PRR16: variants seen among roughly 807,000 people sequenced by gnomAD.
The protein encoded by PRR16 is proline rich 16, also known as protein Largen.
In PRR16, 6 loss-of-function variants were observed where a neutral mutation model predicts 18.2. The observed-to-expected ratio is 0.33, with a 90% confidence interval of 0.18 to 0.65. The LOEUF is 0.65. Ranked by LOEUF, PRR16 falls within the 30% of genes least tolerant of loss-of-function variation. The pLI is 0.74. For synonymous variants in PRR16, 151 were observed against 147.8 expected, an observed-to-expected ratio of 1.02 and a Z score of -0.16; for missense variants, 412 against 376.6, an observed-to-expected ratio of 1.09 and a Z score of -0.78.
intron 1 of PRR16, among the ~76,000 whole-genome samples, chr5:120,484,732 A>G (rs1256933299): frequency 6.7e-6 from 1 of 149,422 alleles, no homozygotes; most frequent in Non-Finnish European, 1.5e-5. Context: ...TTTTCCATCA[A>G]TGTTAAATTG....
downstream of PRR16, among the ~76,000 whole-genome samples, chr5:120,691,710 T>C (rs887203290): frequency 6.6e-6 from 1 of 152,184 alleles, no homozygotes. Context: ...AGGCTATGGA[T>C]ATGATTTCCC....
At chr5:120,520,933 T>TG (rs1751155017) in intron 1 of PRR16, among the ~76,000 whole-genome samples, 1 of 152,140 alleles carries the variant, frequency 6.6e-6, no homozygotes, top group Non-Finnish European at 1.5e-5. Context: ...TCATAGGTCA[T>TG]GGTCCCCCAT....
At chr5:120,619,398 A>G (rs534403970) in intron 1 of PRR16, among the ~76,000 whole-genome samples, 10 of 152,294 alleles carry the variant, frequency 6.6e-5, no homozygotes, top group South Asian at 4.1e-4. Context: ...GTCTTTCCAT[A>G]TTTATTATAG....
At chr5:120,489,610 T>C (rs189098425) in intron 1 of PRR16, among the ~76,000 whole-genome samples, 28 of 152,332 alleles carry the variant, frequency 1.8e-4, no homozygotes, top group African/African-American at 5.8e-4. Context: ...TTATCCAGTT[T>C]GCCATTCTGT....
Position 120,541,924 on chromosome 5 carries a change from CT to C in PRR16, c.159+77290del, listed in dbSNP as rs928989598. ...GCAGAATTTACCCCCTTCCTTTCCTCTTTTTTTTTTTAATTACAGTTTTGAG... is the reference window on the plus strand; with the variant it reads ...GCAGAATTTACCCCCTTCCTTTCCTCTTTTTTTTTTAATTACAGTTTTGAG... On this transcript the variant is annotated intron_variant, in intron 1 of 1. Coordinates refer to ENST00000407149, the MANE Select transcript of PRR16 (RefSeq NM_001300783.2). Among the ~76,000 whole-genome samples, 374 of 145,860 alleles carry C rather than the reference CT, an allele frequency of 2.6e-3. 3 individuals are homozygous for C. The highest frequency in any genetic ancestry group is 0.017 in the East Asian group (87 of 5,024).
intron 1 of PRR16, among the ~76,000 whole-genome samples, chr5:120,507,920 C>T (rs1052436667): frequency 8.5e-5 from 13 of 152,098 alleles, no homozygotes; most frequent in Admixed American, 3.9e-4. Flanking sequence ...ATAACAAGGG[C>T]AGATACTGCT....
chr5:120,638,504 A>G (rs1755319046), intron 1 of PRR16, among the ~76,000 whole-genome samples: 1 of 152,108 alleles, frequency 6.6e-6, no homozygotes, highest in Admixed American at 6.6e-5. Flanking sequence ...TGTTCCATTT[A>G]TTGACTTATT....
At chr5:120,664,461 T>TG (rs1418540065) in intron 1 of PRR16, among the ~76,000 whole-genome samples, 26 of 151,238 alleles carry the variant, frequency 1.7e-4, no homozygotes, top group African/African-American at 4.1e-4. Flanking sequence ...TTTTTGTTTT[T>TG]TTTTTATTAT....
intron 1 of PRR16, among the ~76,000 whole-genome samples, chr5:120,515,686 C>G (rs1561526039): frequency 6.6e-6 from 1 of 152,172 alleles, no homozygotes; most frequent in Non-Finnish European, 1.5e-5. Context: ...ATAATCTATA[C>G]TTGTATGTAT....
chr5:120,789,124 A>G, the PRR16 span, among the ~76,000 whole-genome samples: 1 of 152,076 alleles, frequency 6.6e-6, no homozygotes, highest in Non-Finnish European at 1.5e-5. Flanking sequence ...ATACACTTAA[A>G]GGCATTCCTC....
At chr5:120,573,497 T>G (rs1332518781) in intron 1 of PRR16, among the ~76,000 whole-genome samples, 1 of 151,924 alleles carries the variant, frequency 6.6e-6, no homozygotes, top group Non-Finnish European at 1.5e-5. Flanking sequence ...AGATGCTAAT[T>G]TTATTGTGGC....
chr5:120,772,079 T>C, the PRR16 span, among the ~76,000 whole-genome samples: 1 of 152,116 alleles, frequency 6.6e-6, no homozygotes, highest in African/African-American at 2.4e-5. Context: ...TTAAAGAATA[T>C]GTTAACATTA....
At chr5:120,745,372 G>A in the PRR16 span, among the ~76,000 whole-genome samples, 1 of 151,978 alleles carries the variant, frequency 6.6e-6, no homozygotes, top group African/African-American at 2.4e-5. Context: ...CTTTTTCTGA[G>A]GTGTTTTGGA....
chr5:120,487,715 T>C (rs1749861801), intron 1 of PRR16, among the ~76,000 whole-genome samples: 1 of 152,228 alleles, frequency 6.6e-6, no homozygotes, highest in South Asian at 2.1e-4. Context: ...AGGGCATCCC[T>C]GTCTTGTGCC....
chr5:120,496,777 T>A (rs1750258988), intron 1 of PRR16, among the ~76,000 whole-genome samples: 1 of 151,966 alleles, frequency 6.6e-6, no homozygotes, highest in Admixed American at 6.6e-5. Context: ...CCTAGGCTCT[T>A]GAAGTAGATG....
intron 1 of PRR16, among the ~76,000 whole-genome samples, chr5:120,622,154 T>C (rs753567060): frequency 6.6e-6 from 1 of 152,118 alleles, no homozygotes; most frequent in Non-Finnish European, 1.5e-5. Context: ...TCTTTTCTTC[T>C]TTGCTGACTG....
chr5:120,558,781 C>T (rs1326673450), intron 1 of PRR16, among the ~76,000 whole-genome samples: 2 of 151,934 alleles, frequency 1.3e-5, no homozygotes, highest in African/African-American at 4.8e-5. Context: ...ACCAGTGTTG[C>T]CTTATCTCCA....
intron 1 of PRR16, among the ~76,000 whole-genome samples, chr5:120,670,188 A>G (rs1034177053): frequency 6.6e-6 from 1 of 151,968 alleles, no homozygotes; most frequent in Non-Finnish European, 1.5e-5. Context: ...AAAATATTCT[A>G]TGTTTTGCCT....
chr5:120,628,679 C>CA (rs1754950241), intron 1 of PRR16, among the ~76,000 whole-genome samples: 1 of 149,824 alleles, frequency 6.7e-6, no homozygotes, highest in African/African-American at 2.5e-5. Context: ...ATCTATCTAT[C>CA]TATCTATCAT....
Sources: allele counts gnomAD v4.1 joint callset (sites outside exome capture counted in the v4.1 genomes callset), GRCh38; gene constraint gnomAD v4.1.1; transcripts MANE v1.5; gene names NCBI Gene and HGNC (gene_info 2026-07-23, HGNC 2026-07-21).